Variants in P4HB observed in about 807,000 individuals in gnomAD.
The protein encoded by P4HB is protein disulfide-isomerase.
In P4HB, 20 loss-of-function variants were observed where a neutral mutation model predicts 52.6. The observed-to-expected ratio is 0.38, with a 90% CI of 0.27 to 0.55. The LOEUF is 0.55. Ranked by LOEUF, P4HB falls within the 20% of genes least tolerant of loss-of-function variation. P4HB has a pLI of 0.74. For synonymous variants in P4HB, 296 were observed against 277.9 expected, an observed-to-expected ratio of 1.07 and a Z score of -0.65; for missense variants, 601 against 669.2, an observed-to-expected ratio of 0.90 and a Z score of 1.12.
chr17:81,850,559 T>C (rs1449241755), intron 4 of P4HB, among the ~76,000 whole-genome samples: 1 of 151,680 alleles, frequency 6.6e-6, no homozygotes, highest in Non-Finnish European at 1.5e-5. Context: ...TCTTGCCTCA[T>C]TGCAATCTCC....
chr17:81,846,109 A>C lies in P4HB; in HGVS notation c.1057-118T>G. On this transcript the variant is annotated intron_variant, in intron 7 of 10. Coordinates refer to ENST00000331483, the MANE Select transcript of P4HB (RefSeq NM_000918.4). This position sits in a 1 kb window ranked among gnomAD's most constrained non-coding sequence, Gnocchi z 5.7. ...GCTGCCCTGGGCACACCAGGGTGGC[A>C]GCCGCAGACACCAACAGTGCCAAGA... 1 of 1,263,630 alleles carries C rather than the reference A, an allele frequency of 7.9e-7. No homozygotes were observed. The highest frequency in any genetic ancestry group is 1.1e-6 in the Non-Finnish European group (1 of 940,662). 78.3% of individuals were successfully genotyped at this position (1,263,630 alleles called of 1,614,324 possible). A position where few individuals can be genotyped will look rare whatever the true frequency, so the allele number is the denominator to read the frequency against.
chr17:81,849,144 T>G (rs2038788180), intron 4 of P4HB, among the ~76,000 whole-genome samples: 1 of 151,752 alleles, frequency 6.6e-6, no homozygotes, highest in Non-Finnish European at 1.5e-5. Flanking sequence ...GAGGATTGCT[T>G]GAGTCTGGGA....
Position 81,846,002 on chromosome 17 carries a change from G to A in P4HB, c.1057-11C>T. On this transcript the variant is annotated splice_polypyrimidine_tract_variant and intron_variant, in intron 7 of 10. Coordinates refer to ENST00000331483, the MANE Select transcript of P4HB (RefSeq NM_000918.4). The surrounding 1 kb of genome is among the most constrained non-coding windows in gnomAD (Gnocchi z 5.7). ...GCTCATCAGGTGGGGCTGGAGGGCAGGCAGGGCACGGTGAGGGGCGGCGAT... is the reference window on the plus strand; with the variant it reads ...GCTCATCAGGTGGGGCTGGAGGGCAAGCAGGGCACGGTGAGGGGCGGCGAT... 1 of 1,601,322 alleles carries A rather than the reference G, an allele frequency of 6.2e-7. No individual in the cohort carries two copies. The highest frequency in any genetic ancestry group is 1.1e-5 in the South Asian group (1 of 90,380).
intron 4 of P4HB, chr17:81,847,564 CTG>C: frequency 3.4e-6 from 2 of 587,976 alleles, no homozygotes; most frequent in South Asian, 3.9e-5. Flanking sequence ...AATTCAACAG[CTG>C]GCTTCACATC....
At chr17:81,852,344 CACACAAGAGCACCCG>C (rs1223467285) in intron 4 of P4HB, among the ~76,000 whole-genome samples, 2 of 152,118 alleles carry the variant, frequency 1.3e-5, no homozygotes, top group East Asian at 3.9e-4. Flanking sequence ...AAGAGCGGGC[CACACAAGAGCACCCG>C]ACTCAGCCAG....
rs1331758170 is a variant in P4HB at position 81,846,389 on chromosome 17, C to T, written c.1056+40G>A. 6.3e-7 allele frequency: 1 copy of T among 1,598,518 alleles called. No individual in the cohort carries two copies. Among genetic ancestry groups the T allele is most frequent in the South Asian group, 1.1e-5 (1 of 90,798 alleles). ...GCCCAGAGACCCCAAGGTGGCGGCTCTACCCGGGAGGCAGCCCTGGCCCGG... is the reference window on the plus strand; with the variant it reads ...GCCCAGAGACCCCAAGGTGGCGGCTTTACCCGGGAGGCAGCCCTGGCCCGG... On this transcript the variant is annotated intron_variant, in intron 7 of 10. Coordinates refer to ENST00000331483, the MANE Select transcript of P4HB (RefSeq NM_000918.4). The surrounding 1 kb of genome is among the most constrained non-coding windows in gnomAD (Gnocchi z 5.7).
Position 81,846,294 on chromosome 17 carries a change from C to T in P4HB, c.1056+135G>A. On this transcript the variant is annotated intron_variant, in intron 7 of 10. Transcript: ENST00000331483. The surrounding 1 kb of genome is among the most constrained non-coding windows in gnomAD (Gnocchi z 5.7). ...AAGGTGTGACAAGAATGGTGGTCTTCACACCATCTTGGGCTCCGTCCTCTT... is the reference window on the plus strand; with the variant it reads ...AAGGTGTGACAAGAATGGTGGTCTTTACACCATCTTGGGCTCCGTCCTCTT... 1.2e-6 allele frequency: 1 copy of T among 843,730 alleles called. No individual in the cohort carries two copies. The highest frequency in any genetic ancestry group is 1.9e-6 in the Non-Finnish European group (1 of 528,730). 52.3% of individuals were successfully genotyped at this position (843,730 alleles called of 1,614,324 possible).
At position 81,845,944 on chromosome 17, in the gene P4HB, A is replaced by C. The variant is rs1422879065; in HGVS notation, c.1104T>G (p.Pro368=). Residue 368 remains proline (P), a synonymous_variant, in exon 8 of 11, where the codon CCT becomes CCG. Transcript: ENST00000331483. ...QELPEDWDKQ[P]VKVLVGKNFE... ...AGTTCTTCCCAACAAGCACCTTGACAGGCTGCTTGTCCCAGTCCTCCGGCA... is the reference window on the plus strand; with the variant it reads ...AGTTCTTCCCAACAAGCACCTTGACCGGCTGCTTGTCCCAGTCCTCCGGCA... 1 of 1,613,218 alleles carries C rather than the reference A, an allele frequency of 6.2e-7. No homozygotes were observed. The highest frequency in any genetic ancestry group is 8.5e-7 in the Non-Finnish European group (1 of 1,179,682).
Position 81,847,276 on chromosome 17 carries a change from G to C in P4HB, c.696C>G (p.Asn232Lys). The change falls in exon 5 of 11, where the codon AAC becomes AAG. Residue 232 changes from asparagine to lysine, a missense_variant. Transcript: ENST00000331483. ...TGAACTCGATGACAAGGGGCAGCTGGTTGTGTTTGATAAAGTCCAGCAGGT... is the reference window on the plus strand; with the variant it reads ...TGAACTCGATGACAAGGGGCAGCTGCTTGTGTTTGATAAAGTCCAGCAGGT... ...KENLLDFIKH[N>K]QLPLVIEFTE... The C allele has an allele frequency of 6.2e-7, 1 of 1,614,136 alleles. No homozygotes were observed. The highest frequency in any genetic ancestry group is 8.5e-7 in the Non-Finnish European group (1 of 1,180,036).
chr17:81,857,089 A>T (rs2038923762), intron 2 of P4HB, among the ~76,000 whole-genome samples: 1 of 151,564 alleles, frequency 6.6e-6, no homozygotes, highest in Non-Finnish European at 1.5e-5. Context: ...AGCCCTAGCT[A>T]ATTTTTGTAT....
intron 2 of P4HB, among the ~76,000 whole-genome samples, chr17:81,857,350 T>A (rs1320388392): frequency 1.3e-5 from 2 of 152,034 alleles, no homozygotes; most frequent in Admixed American, 6.5e-5. Context: ...GGTTTCACCA[T>A]ATTGGCCATG....
chr17:81,858,427 G>C (rs1018563896), intron 2 of P4HB, among the ~76,000 whole-genome samples: 1 of 152,036 alleles, frequency 6.6e-6, no homozygotes, highest in African/African-American at 2.4e-5. Context: ...ACTAGAACAG[G>C]ACAGGGCACA....
At position 81,846,900 on chromosome 17, in the gene P4HB, A is replaced by G. The variant is rs1317200100; in HGVS notation, c.855+47T>C. ...CACTTGTCACCTCGGGAAGAGTTGT[A>G]CTGCTCCCTGGCACCGCCCCACGAG... On this transcript the variant is annotated intron_variant, in intron 6 of 10. Coordinates refer to ENST00000331483, the MANE Select transcript of P4HB (RefSeq NM_000918.4). This position sits in a 1 kb window ranked among gnomAD's most constrained non-coding sequence, Gnocchi z 5.7. 49 of 1,609,808 alleles carry G rather than the reference A, an allele frequency of 3.0e-5. No individual in the cohort carries two copies. The highest frequency in any genetic ancestry group is 4.2e-5 in the Non-Finnish European group (49 of 1,178,044).
chr17:81,847,303 C>A lies in P4HB; in HGVS notation c.669G>T (p.Glu223Asp). ...TGTGTTTGATAAAGTCCAGCAGGTTCTCCTTGGTGACCTCCCCTTCAAAGT... is the reference window on the plus strand; with the variant it reads ...TGTGTTTGATAAAGTCCAGCAGGTTATCCTTGGTGACCTCCCCTTCAAAGT... ...RNNFEGEVTK[E>D]NLLDFIKHNQ... The change falls in exon 5 of 11, where the codon GAG (glutamate) becomes GAT (aspartate). Residue 223 changes from glutamate (E) to aspartate (D), a missense_variant. Coordinates refer to ENST00000331483, the MANE Select transcript of P4HB (RefSeq NM_000918.4). The A allele has an allele frequency of 6.2e-7, 1 of 1,614,174 alleles. No homozygotes were observed. Among genetic ancestry groups the A allele is most frequent in the Non-Finnish European group, 8.5e-7 (1 of 1,180,038 alleles).
chr17:81,860,186 C>A (rs2038976670), intron 1 of P4HB, 141 bp downstream of exon 1: 1 of 695,696 alleles, frequency 1.4e-6, no homozygotes, highest in Admixed American at 4.4e-5. Context: ...TGACATGGCC[C>A]CCAAGGCGGG....
In P4HB at chr17:81,843,931, C is replaced by T. The variant is rs1400863373; in HGVS notation, c.*81G>A. The T allele has an allele frequency of 1.5e-5, 16 of 1,042,726 alleles. No homozygotes were observed. Among genetic ancestry groups the T allele is most frequent in the East Asian group, 2.4e-5 (1 of 42,238 alleles). 64.6% of individuals were successfully genotyped at this position (1,042,726 alleles called of 1,614,324 possible). A position where few individuals can be genotyped will look rare whatever the true frequency, so the allele number is the denominator to read the frequency against. ...GGCGACGCCCTCCTTCAAGCGAGGC[C>T]GCAGGCTTCGGAGGCGTGCGCTGCT... On this transcript the variant is annotated 3_prime_UTR_variant, in exon 11 of 11. Transcript: ENST00000331483.
intron 10 of P4HB, among the ~76,000 whole-genome samples, chr17:81,844,351 GC>G (rs1161818045): frequency 3.3e-5 from 5 of 152,210 alleles, no homozygotes; most frequent in African/African-American, 1.2e-4. Flanking sequence ...TCCCAGCTCA[GC>G]CTTGGACCCT....
At chr17:81,860,296 G>A (rs1026386866) in intron 1 of P4HB, 31 bp downstream of exon 1, 17 of 1,411,846 alleles carry the variant, frequency 1.2e-5, no homozygotes, top group Non-Finnish European at 7.4e-6. Flanking sequence ...GCGGCCCCGA[G>A]CCCCGCCCGC....
At chr17:81,847,375 A>C (rs2038753775) in intron 4 of P4HB, 28 bp from the exon 5 acceptor site, 2 of 1,579,624 alleles carry the variant, frequency 1.3e-6, no homozygotes, top group Non-Finnish European at 1.7e-6. Context: ...GCCCTGACTG[A>C]GCATTGCTGC....
Sources: gnomAD v4.1 joint callset for allele counts (sites outside exome capture counted in the v4.1 genomes callset) on GRCh38, gnomAD v4.1.1 for gene constraint, Gnocchi (gnomAD v3.1) non-coding constraint, MANE v1.5 for transcripts, NCBI Gene and HGNC (gene_info 2026-07-23, HGNC 2026-07-21) for gene names.